The following DLG2 variants were observed in gnomAD, a reference collection of about 807,000 sequenced individuals.
The protein encoded by DLG2 is disks large homolog 2.
A neutral mutation model predicts 132.5 loss-of-function variants in DLG2; 45 were observed. The observed-to-expected ratio is 0.34, with a 90% CI of 0.27 to 0.44. DLG2 has a LOEUF of 0.44. DLG2 is among the 20% of genes least tolerant of loss of function. DLG2 has a pLI of 1.00. For synonymous variants in DLG2, 424 were observed against 419.6 expected (o/e 1.01, Z -0.13); for missense variants, 1,045 against 1,196.9 (o/e 0.87, Z 1.87).
chr11:84,066,088 G>A (rs1373958618), intron 10 of DLG2, among the ~76,000 whole-genome samples: 1 of 152,018 alleles, frequency 6.6e-6, no homozygotes, highest in African/African-American at 2.4e-5. Context: ...TTGGGATGAG[G>A]GTGAGCACTG....
intron 16 of DLG2, among the ~76,000 whole-genome samples, chr11:83,852,963 T>TA (rs946491617): frequency 3.3e-5 from 5 of 152,344 alleles, no homozygotes; most frequent in African/African-American, 7.2e-5. Flanking sequence ...ATGGCATTCT[T>TA]AAAGTTATTC....
At chr11:84,206,619 T>C (rs151221202) in intron 8 of DLG2, among the ~76,000 whole-genome samples, 1,840 of 152,128 alleles carry the variant, frequency 0.012, 38 homozygotes, top group African/African-American at 0.039. Flanking sequence ...CTCAACATAC[T>C]AATAATATAC....
At chr11:84,525,866 C>A (rs2099318724) in intron 7 of DLG2, among the ~76,000 whole-genome samples, 2 of 152,142 alleles carry the variant, frequency 1.3e-5, no homozygotes, top group South Asian at 4.1e-4. Context: ...ATTCTCAGAA[C>A]TTTTCCATAC....
rs531215075 is a variant in DLG2 at position 84,971,886 on chromosome 11, G to A, written c.357+139775C>T. On this transcript the variant is annotated intron_variant, in intron 6 of 27. Coordinates refer to ENST00000376104, the MANE Select transcript of DLG2 (RefSeq NM_001142699.3). ...GACACTAAAGGAAGAATGTAGGAGG[G>A]AATGTCTACTAGAGAGAAAATAAAA... is the stretch of plus-strand genomic sequence containing the variant. Among the ~76,000 whole-genome samples the A allele has an allele frequency of 1.8e-4, 27 of 152,222 alleles. No homozygotes were observed. In the East Asian group the frequency reaches 4.8e-3, roughly 27 times the overall value.
At chr11:84,027,734 T>C (rs892689012) in intron 11 of DLG2, among the ~76,000 whole-genome samples, 1 of 152,076 alleles carries the variant, frequency 6.6e-6, no homozygotes, top group Non-Finnish European at 1.5e-5. Context: ...GTATATTAAT[T>C]CAGCAAAAGT....
chr11:84,084,019 C>T (rs1234412688), intron 10 of DLG2, among the ~76,000 whole-genome samples: 1 of 152,160 alleles, frequency 6.6e-6, no homozygotes, highest in African/African-American at 2.4e-5. Flanking sequence ...GACCAGAGGG[C>T]CGCAGTTCAC....
intron 3 of DLG2, among the ~76,000 whole-genome samples, chr11:85,325,053 G>A (rs1395966052): frequency 4.3e-5 from 6 of 140,386 alleles, no homozygotes; most frequent in Non-Finnish European, 6.2e-5. Flanking sequence ...CGAATATTGC[G>A]CTTTTCAGAC....
rs533636132 is a variant in DLG2 at position 85,073,979 on chromosome 11, G to C, written c.357+37682C>G. On this transcript the variant is annotated intron_variant, in intron 6 of 27. Coordinates refer to ENST00000376104, the MANE Select transcript of DLG2 (RefSeq NM_001142699.3). ...AATGTATCTGAAGGCCATTATCCAA[G>C]TGAACCAACACAGGAACAGAAAACA... Among the ~76,000 whole-genome samples the C allele has an allele frequency of 2.0e-5, 3 of 151,934 alleles. No homozygotes were observed. In the South Asian group the frequency reaches 6.2e-4, roughly 31 times the overall value.
At chr11:83,732,344 T>C (rs2091168902) in intron 18 of DLG2, among the ~76,000 whole-genome samples, 1 of 152,198 alleles carries the variant, frequency 6.6e-6, no homozygotes, top group South Asian at 2.1e-4. Context: ...AGATGCCAGG[T>C]GACCTTCAAC....
intron 6 of DLG2, among the ~76,000 whole-genome samples, chr11:84,617,941 G>T (rs915760055): frequency 1.3e-5 from 2 of 151,934 alleles, no homozygotes; most frequent in Admixed American, 1.3e-4. Flanking sequence ...TGTTGTAAAG[G>T]GTAAAACAGG....
intron 17 of DLG2, among the ~76,000 whole-genome samples, chr11:83,808,074 A>AGCCTCGT (rs1482276746): frequency 1.1e-4 from 16 of 152,138 alleles, no homozygotes; most frequent in Non-Finnish European, 2.4e-4. Context: ...TTCTAACAGC[A>AGCCTCGT]GCCTCGTGCC....
intron 18 of DLG2, among the ~76,000 whole-genome samples, chr11:83,749,511 C>T (rs924260570): frequency 1.3e-5 from 2 of 152,130 alleles, no homozygotes; most frequent in African/African-American, 4.8e-5. Context: ...CCTCTTGTTT[C>T]TTCCTGTGTC....
At chr11:84,778,849 A>G (rs2071169702) in intron 6 of DLG2, among the ~76,000 whole-genome samples, 1 of 152,208 alleles carries the variant, frequency 6.6e-6, no homozygotes, top group Admixed American at 6.5e-5. Flanking sequence ...GCATGGCTAG[A>G]GAAAGCAGGC....
intron 6 of DLG2, among the ~76,000 whole-genome samples, chr11:85,093,190 C>T (rs2069103760): frequency 6.6e-6 from 1 of 152,104 alleles, no homozygotes; most frequent in Non-Finnish European, 1.5e-5. Context: ...CAGAAGGTTG[C>T]CGGGCTTGTT....
At chr11:84,748,917 C>G (rs1038036576) in intron 6 of DLG2, among the ~76,000 whole-genome samples, 1 of 152,126 alleles carries the variant, frequency 6.6e-6, no homozygotes, top group Admixed American at 6.5e-5. Context: ...CGCCTATAAT[C>G]GCAGCACTTT....
intron 3 of DLG2, among the ~76,000 whole-genome samples, chr11:85,421,174 A>T (rs1224334323): frequency 6.6e-6 from 1 of 152,024 alleles, no homozygotes; most frequent in Non-Finnish European, 1.5e-5. Flanking sequence ...GGAGTGTACC[A>T]TTCCTCATGG....
At chr11:84,201,108 G>A (rs1377689093) in intron 8 of DLG2, among the ~76,000 whole-genome samples, 2 of 152,062 alleles carry the variant, frequency 1.3e-5, no homozygotes, top group Admixed American at 6.5e-5. Flanking sequence ...TTATTATTTT[G>A]AGGTATGTTC....
intron 11 of DLG2, among the ~76,000 whole-genome samples, chr11:84,013,601 G>A (rs1255797006): frequency 1.3e-5 from 2 of 151,966 alleles, no homozygotes; most frequent in Admixed American, 6.6e-5. Context: ...GGGCGTGGTG[G>A]CTCACACCTG....
chr11:84,825,465 G>A (rs2078218929), intron 6 of DLG2, among the ~76,000 whole-genome samples: 2 of 152,010 alleles, frequency 1.3e-5, no homozygotes, highest in Middle Eastern at 3.4e-3. Context: ...CACCATCTCT[G>A]AGAAATGAAC....
Sources: gnomAD v4.1 joint callset for allele counts (sites outside exome capture counted in the v4.1 genomes callset) on GRCh38, gnomAD v4.1.1 for gene constraint, MANE v1.5 for transcripts, NCBI Gene and HGNC (gene_info 2026-07-23, HGNC 2026-07-21) for gene names.